The following FAM184B variants were observed in gnomAD, a reference collection of about 807,000 sequenced individuals.
FAM184B encodes the protein family with sequence similarity 184 member B.
A neutral mutation model predicts 135.9 loss-of-function variants in FAM184B; 111 were observed. The ratio of observed to expected loss-of-function variants is 0.82; its 90% CI spans 0.70 to 0.96. The LOEUF is 0.96. FAM184B is among the 40% of genes least tolerant of loss of function. The probability of loss-of-function intolerance (pLI) is 0.00; values close to 1 mark genes in which losing one functional copy is unlikely to be tolerated. For synonymous variants in FAM184B, 552 were observed against 524.8 expected (o/e 1.05, Z -0.71); for missense variants, 1,375 against 1,323.9 (o/e 1.04, Z -0.60).
intron 1 of FAM184B, among the ~76,000 whole-genome samples, chr4:17,773,142 C>T (rs1028410754): frequency 1.3e-5 from 2 of 152,182 alleles, no homozygotes; most frequent in Non-Finnish European, 2.9e-5. Flanking sequence ...CGATGTTGGA[C>T]AAGAATACTG....
intron 1 of FAM184B, among the ~76,000 whole-genome samples, chr4:17,738,244 G>T (rs1717952594): frequency 6.6e-6 from 1 of 152,042 alleles, no homozygotes; most frequent in Admixed American, 6.6e-5. Context: ...GGTTGGAAGG[G>T]TATGAATTCA....
At chr4:17,678,775 A>G (rs766960831) in intron 7 of FAM184B, among the ~76,000 whole-genome samples, 1 of 152,228 alleles carries the variant, frequency 6.6e-6, no homozygotes, top group Non-Finnish European at 1.5e-5. Context: ...CTGACTTCAA[A>G]CTATACTATA....
intron 13 of FAM184B, among the ~76,000 whole-genome samples, chr4:17,641,131 A>G (rs1455877433): frequency 2.0e-5 from 3 of 151,992 alleles, no homozygotes; most frequent in Non-Finnish European, 2.9e-5. Context: ...ACGGGGTTTC[A>G]CTATGTTGCC....
intron 10 of FAM184B, 94 bp downstream of exon 10, chr4:17,658,256 T>C (rs1715824967): frequency 3.8e-6 from 4 of 1,061,588 alleles, no homozygotes; most frequent in East Asian, 2.6e-5. Context: ...GCTCGGGGGA[T>C]TGGATGTCAT....
At chr4:17,657,097 AATT>A (rs1393670064) in intron 10 of FAM184B, among the ~76,000 whole-genome samples, 6 of 152,200 alleles carry the variant, frequency 3.9e-5, no homozygotes, top group Non-Finnish European at 8.8e-5. Context: ...GAGCTAAATG[AATT>A]ATTATGATTG....
At chr4:17,712,771 A>T (rs1001067472) in intron 1 of FAM184B, among the ~76,000 whole-genome samples, 24 of 152,022 alleles carry the variant, frequency 1.6e-4, no homozygotes, top group African/African-American at 9.7e-5. Flanking sequence ...GTATGGCTTT[A>T]AAAAAAAGTC....
intron 7 of FAM184B, 86 bp downstream of exon 7, chr4:17,688,338 C>T (rs1716639283): frequency 2.1e-6 from 2 of 961,676 alleles, no homozygotes; most frequent in Admixed American, 2.8e-5. Flanking sequence ...AGCCCATTAA[C>T]ATCAGCATGT....
intron 1 of FAM184B, among the ~76,000 whole-genome samples, chr4:17,770,547 T>C (rs1452242164): frequency 6.6e-6 from 1 of 152,142 alleles, no homozygotes; most frequent in African/African-American, 2.4e-5. Context: ...CACTGCAACC[T>C]CCGCCTCCCG....
chr4:17,748,664 G>A (rs570199397), intron 1 of FAM184B, among the ~76,000 whole-genome samples: 12 of 151,612 alleles, frequency 7.9e-5, no homozygotes, highest in Admixed American at 3.3e-4. Context: ...TCACAGATTC[G>A]TACCACCACA....
intron 1 of FAM184B, among the ~76,000 whole-genome samples, chr4:17,719,833 T>G (rs1412559841): frequency 6.6e-6 from 1 of 152,174 alleles, no homozygotes; most frequent in East Asian, 1.9e-4. Context: ...CTCAAACAGC[T>G]CATCAGAGTC....
intron 7 of FAM184B, among the ~76,000 whole-genome samples, chr4:17,686,852 G>C (rs1056833991): frequency 6.6e-6 from 1 of 152,218 alleles, no homozygotes; most frequent in East Asian, 1.9e-4. Flanking sequence ...TGAGGTGGGA[G>C]GATCACTTAA....
At chr4:17,762,027 T>C (rs1487050329) in intron 1 of FAM184B, among the ~76,000 whole-genome samples, 8 of 147,298 alleles carry the variant, frequency 5.4e-5, no homozygotes, top group Non-Finnish European at 1.0e-4. Flanking sequence ...TCATTTTGTT[T>C]TGTTTTGTTT....
intron 1 of FAM184B, among the ~76,000 whole-genome samples, chr4:17,739,555 G>GTTTTTGTTTTTTTTTTTT (rs1553841421): frequency 1.6e-5 from 1 of 62,510 alleles, no homozygotes; most frequent in Admixed American, 3.2e-4. Flanking sequence ...CATACCAACT[G>GTTTTTGTTTTTTTTTTTT]TTTTTTTTTT....
chr4:17,762,268 T>C (rs1196116762), intron 1 of FAM184B, among the ~76,000 whole-genome samples: 1 of 152,244 alleles, frequency 6.6e-6, no homozygotes, highest in African/African-American at 2.4e-5. Flanking sequence ...GATCTAGACA[T>C]CTTTTTTGAG....
At position 17,630,433 on chromosome 4, in the gene FAM184B, A is replaced by G. The variant is rs532271299; in HGVS notation, c.*2099T>C. Reference sequence around the variant, plus strand: ...GGGAGGCGCTCTTGCCTCTTCCACCATGTAAGGACACGTAGCAGGCACCCA... The same window carrying G: ...GGGAGGCGCTCTTGCCTCTTCCACCGTGTAAGGACACGTAGCAGGCACCCA... On this transcript the variant is annotated 3_prime_UTR_variant, in exon 18 of 18. Coordinates refer to ENST00000265018, the MANE Select transcript of FAM184B (RefSeq NM_015688.2). 1 of 152,300 alleles carries G rather than the reference A, an allele frequency of 6.6e-6. No homozygotes were observed. Among genetic ancestry groups the G allele is most frequent in the East Asian group, 1.9e-4 (1 of 5,178 alleles). 9.4% of individuals were successfully genotyped at this position (152,300 alleles called of 1,614,324 possible).
At chr4:17,767,265 G>A (rs1015684778) in intron 1 of FAM184B, among the ~76,000 whole-genome samples, 2 of 152,220 alleles carry the variant, frequency 1.3e-5, no homozygotes, top group Non-Finnish European at 2.9e-5. Context: ...CAGTGCAGCG[G>A]TGGGCTGAAG....
At chr4:17,724,088 G>A (rs1373211716) in intron 1 of FAM184B, among the ~76,000 whole-genome samples, 4 of 149,540 alleles carry the variant, frequency 2.7e-5, no homozygotes, top group African/African-American at 9.8e-5. Flanking sequence ...CTTTTAAAAA[G>A]AGGGAGGCAA....
At chr4:17,753,854 G>A (rs1040357148) in intron 1 of FAM184B, among the ~76,000 whole-genome samples, 8 of 152,134 alleles carry the variant, frequency 5.3e-5, no homozygotes, top group Non-Finnish European at 1.2e-4. Flanking sequence ...AAGGGTATGC[G>A]AGCTTTGGAA....
intron 16 of FAM184B, 35 bp from the exon 17 acceptor site, chr4:17,633,923 A>G: frequency 7.4e-7 from 1 of 1,344,348 alleles, no homozygotes; most frequent in Admixed American, 3.8e-5. Flanking sequence ...GTGCAATGCA[A>G]TGCAAAAAAC....
Sources: allele counts gnomAD v4.1 joint callset (sites outside exome capture counted in the v4.1 genomes callset), GRCh38; gene constraint gnomAD v4.1.1; transcripts MANE v1.5; gene names NCBI Gene and HGNC (gene_info 2026-07-23, HGNC 2026-07-21).